Variants in PTPRM observed in about 807,000 individuals in gnomAD.
PTPRM encodes the protein protein tyrosine phosphatase receptor type M, also known as receptor-type tyrosine-protein phosphatase mu.
PTPRM carries 47 observed loss-of-function variants against 186.7 expected under a neutral mutation model. That is an observed-to-expected ratio of 0.25 (90% CI 0.20 to 0.32). PTPRM has a LOEUF of 0.32. Among genes scored for constraint, PTPRM ranks in the 10% least tolerant of loss-of-function variants. PTPRM has a pLI of 1.00. For missense variants in PTPRM, 1,494 were observed against 1,865.0 expected, an observed-to-expected ratio of 0.80 and a Z score of 3.66; for synonymous variants, 668 against 674.9, an observed-to-expected ratio of 0.99 and a Z score of 0.16.
intron 1 of PTPRM, among the ~76,000 whole-genome samples, chr18:7,756,063 G>C (rs1187060382): frequency 6.6e-6 from 1 of 152,170 alleles, no homozygotes; most frequent in Non-Finnish European, 1.5e-5. Flanking sequence ...AGTAGATACT[G>C]TTCCAGCTTT....
chr18:8,127,305 C>G (rs966893548), intron 13 of PTPRM, among the ~76,000 whole-genome samples: 1 of 151,546 alleles, frequency 6.6e-6, no homozygotes, highest in Non-Finnish European at 1.5e-5. Context: ...TCAGCCATAT[C>G]AAAGGAATGC....
At chr18:8,322,473 C>G (rs1367033122) in intron 22 of PTPRM, among the ~76,000 whole-genome samples, 1 of 152,166 alleles carries the variant, frequency 6.6e-6, no homozygotes, top group Admixed American at 6.5e-5. Flanking sequence ...ATATTAACTT[C>G]ATCATGTCTG....
chr18:7,635,177 G>T (rs1598587290), intron 1 of PTPRM, among the ~76,000 whole-genome samples: 1 of 152,228 alleles, frequency 6.6e-6, no homozygotes, highest in East Asian at 1.9e-4. Flanking sequence ...TTTCATATAT[G>T]TTGGAGTTTA....
intron 22 of PTPRM, among the ~76,000 whole-genome samples, chr18:8,332,382 T>G (rs2095416685): frequency 6.6e-6 from 1 of 152,220 alleles, no homozygotes; most frequent in Non-Finnish European, 1.5e-5. Flanking sequence ...TAATGAAATT[T>G]GACATAACCT....
intron 23 of PTPRM, among the ~76,000 whole-genome samples, chr18:8,346,024 G>C (rs1358021978): frequency 2.0e-5 from 3 of 152,226 alleles, no homozygotes; most frequent in African/African-American, 7.2e-5. Flanking sequence ...AACACTTCCA[G>C]AGCAATATTT....
intron 2 of PTPRM, among the ~76,000 whole-genome samples, chr18:7,873,992 AT>A (rs139700319): frequency 0.072 from 10,963 of 152,124 alleles, 470 homozygotes; most frequent in African/African-American, 0.13. Flanking sequence ...GAAAGTGTAA[AT>A]TTGGGTCTCT....
In PTPRM at chr18:7,972,563, CA is replaced by C. The variant is rs534887659; in HGVS notation, c.1132+17150del. Among the ~76,000 whole-genome samples, 538 of 111,552 alleles carry C rather than the reference CA, an allele frequency of 4.8e-3. 2 individuals are homozygous for C. Among genetic ancestry groups the C allele is most frequent in the African/African-American group, 0.018 (511 of 28,292 alleles). The allele number at this position is 111,552 out of a possible 152,430, so 73.2% of individuals were successfully genotyped here. On this transcript the variant is annotated intron_variant, in intron 7 of 32. Coordinates refer to ENST00000580170, the MANE Select transcript of PTPRM (RefSeq NM_001105244.2). ...AAAGGGCTTTTTAGAAATACATTAA[CA>C]TTTGAAAAAATATACATATTAAAAT... is the stretch of plus-strand genomic sequence containing the variant.
chr18:8,322,622 G>T (rs1716805647), intron 22 of PTPRM, among the ~76,000 whole-genome samples: 1 of 152,148 alleles, frequency 6.6e-6, no homozygotes, highest in African/African-American at 2.4e-5. Flanking sequence ...TCAAAAGCAG[G>T]CTCAAGTGAT....
chr18:8,179,779 C>T (rs980609200), intron 14 of PTPRM, among the ~76,000 whole-genome samples: 1 of 152,108 alleles, frequency 6.6e-6, no homozygotes, highest in Non-Finnish European at 1.5e-5. Flanking sequence ...AAATATCCCT[C>T]TTTTTAAACA....
intron 1 of PTPRM, among the ~76,000 whole-genome samples, chr18:7,693,392 C>T (rs1364342518): frequency 6.6e-6 from 1 of 152,124 alleles, no homozygotes; most frequent in East Asian, 1.9e-4. Flanking sequence ...GATTGGAAAC[C>T]AGACCATTCG....
intron 1 of PTPRM, among the ~76,000 whole-genome samples, chr18:7,702,345 G>A (rs765659199): frequency 1.7e-4 from 26 of 151,906 alleles, no homozygotes; most frequent in East Asian, 3.9e-4. Flanking sequence ...CATCCTCTCC[G>A]GCATCTGTTG....
At chr18:8,284,366 C>T (rs1328044195) in intron 19 of PTPRM, among the ~76,000 whole-genome samples, 1 of 152,126 alleles carries the variant, frequency 6.6e-6, no homozygotes, top group Non-Finnish European at 1.5e-5. Flanking sequence ...CTTCATTTTT[C>T]AAAGCATCAA....
At chr18:7,775,434 T>A (rs2042533288) in intron 2 of PTPRM, among the ~76,000 whole-genome samples, 1 of 152,160 alleles carries the variant, frequency 6.6e-6, no homozygotes, top group African/African-American at 2.4e-5. Context: ...AGTTCCTGCT[T>A]CTGTTCTTGT....
At position 8,172,265 on chromosome 18, in the gene PTPRM, CTT is replaced by C. The variant is rs869079652; in HGVS notation, c.2300+28504_2300+28505del. 1.3e-3 allele frequency among the ~76,000 whole-genome samples: 182 copies of C among 137,762 alleles called. 2 individuals carry two copies. Among genetic ancestry groups the C allele is most frequent in the African/African-American group, 3.3e-3 (123 of 37,310 alleles). The allele number at this position is 137,762 out of a possible 152,430, so 90.4% of individuals were successfully genotyped here. On this transcript the variant is annotated intron_variant, in intron 14 of 32. Transcript: ENST00000580170. ...CCTGAATAACATTTCAAGTCTTGACCTTTTTTTTTTTTTTTTTTTATAACTTT... is the reference window on the plus strand; with the variant it reads ...CCTGAATAACATTTCAAGTCTTGACCTTTTTTTTTTTTTTTTTATAACTTT...
intron 11 of PTPRM, among the ~76,000 whole-genome samples, chr18:8,103,690 C>T (rs551266118): frequency 5.9e-5 from 9 of 152,250 alleles, no homozygotes; most frequent in East Asian, 1.9e-4. Flanking sequence ...GCAATAAAGC[C>T]GTTTCACTTT....
At chr18:7,652,863 C>G (rs557654188) in intron 1 of PTPRM, among the ~76,000 whole-genome samples, 33 of 152,000 alleles carry the variant, frequency 2.2e-4, no homozygotes, top group African/African-American at 6.8e-4. Context: ...TGTAACTAAC[C>G]TGCACATTGT....
chr18:8,287,913 A>G (rs568448493), intron 19 of PTPRM, among the ~76,000 whole-genome samples: 1 of 152,292 alleles, frequency 6.6e-6, no homozygotes, highest in African/African-American at 2.4e-5. Flanking sequence ...TTGCTCACTG[A>G]CATCACTATT....
intron 22 of PTPRM, among the ~76,000 whole-genome samples, chr18:8,324,042 C>G (rs1467889991): frequency 1.3e-5 from 2 of 151,978 alleles, no homozygotes; most frequent in African/African-American, 2.4e-5. Flanking sequence ...AAGACAGAAA[C>G]CATAGACTTA....
chr18:7,880,535 G>A (rs2048454313), intron 2 of PTPRM, among the ~76,000 whole-genome samples: 3 of 152,174 alleles, frequency 2.0e-5, no homozygotes, highest in Non-Finnish European at 4.4e-5. Flanking sequence ...CAGTAGCTTA[G>A]GAGGGATATA....
Sources: gnomAD v4.1 joint callset for allele counts (sites outside exome capture counted in the v4.1 genomes callset) on GRCh38, gnomAD v4.1.1 for gene constraint, MANE v1.5 for transcripts, NCBI Gene and HGNC (gene_info 2026-07-23, HGNC 2026-07-21) for gene names.